The following EFHD1 variants were observed in gnomAD, a reference collection of about 807,000 sequenced individuals.
EFHD1 encodes EF-hand domain family member D1, also known as EF-hand domain-containing protein D1.
Under a neutral mutation model 17.2 loss-of-function variants are expected in EFHD1, and 10 were observed. The ratio of observed to expected loss-of-function variants is 0.58; its 90% CI spans 0.36 to 0.99. The LOEUF is 0.99. Among genes scored for constraint, EFHD1 ranks in the 50% least tolerant of loss-of-function variants. EFHD1 has a pLI of 0.01. For synonymous variants in EFHD1, 153 were observed against 142.0 expected (o/e 1.08, Z -0.55); for missense variants, 310 against 327.5 (o/e 0.95, Z 0.41).
intron 1 of EFHD1, chr2:232,638,188 CAA>C: frequency 5.5e-6 from 2 of 363,316 alleles, no homozygotes; most frequent in South Asian, 2.3e-5. Context: ...GTGGAGCAGT[CAA>C]GGTTAGACAG....
chr2:232,616,592 C>G (rs547692004), intron 1 of EFHD1, among the ~76,000 whole-genome samples: 3 of 152,310 alleles, frequency 2.0e-5, no homozygotes, highest in African/African-American at 7.2e-5. Context: ...AGCCACCACA[C>G]CTAGCCACAT....
intron 1 of EFHD1, among the ~76,000 whole-genome samples, chr2:232,651,486 C>A (rs183886088): frequency 2.0e-5 from 3 of 152,306 alleles, no homozygotes; most frequent in African/African-American, 4.8e-5. Flanking sequence ...GGAGAACCTT[C>A]TAGCAGGTTA....
upstream of EFHD1, among the ~76,000 whole-genome samples, chr2:232,629,551 C>G (rs999413190): frequency 6.6e-6 from 1 of 152,074 alleles, no homozygotes; most frequent in African/African-American, 2.4e-5. Flanking sequence ...TCACTGCAAC[C>G]TCCGCCTCCC....
intron 1 of EFHD1, among the ~76,000 whole-genome samples, chr2:232,607,272 T>C (rs1184971222): frequency 2.0e-5 from 3 of 151,838 alleles, no homozygotes; most frequent in Non-Finnish European, 2.9e-5. Flanking sequence ...TGAGATCCTA[T>C]CTGTACAAAA....
intron 1 of EFHD1, among the ~76,000 whole-genome samples, chr2:232,658,890 A>G (rs970065482): frequency 3.9e-5 from 6 of 152,176 alleles, no homozygotes; most frequent in African/African-American, 1.2e-4. Context: ...ATTTTATGGT[A>G]TGTTAATTAT....
chr2:232,680,904 C>T lies in EFHD1; in HGVS notation c.586-681C>T, dbSNP rs148482580. Among the ~76,000 whole-genome samples the T allele has an allele frequency of 2.6e-3, 402 of 152,152 alleles. 6 individuals carry two copies. The highest frequency in any genetic ancestry group is 0.021 in the East Asian group (107 of 5,154). On this transcript the variant is annotated intron_variant, in intron 3 of 3. Transcript: ENST00000264059. ...TGAGGGGACTGGGTGCAGTGGCTCA[C>T]GCCTGTAATCCCAGCACTTTGGGAG...
At chr2:232,663,300 T>A (rs879794340) in intron 2 of EFHD1, among the ~76,000 whole-genome samples, 35 of 152,186 alleles carry the variant, frequency 2.3e-4, no homozygotes, top group Admixed American at 5.9e-4. Context: ...ATTTTTAAAA[T>A]TTTTTATTTT....
chr2:232,660,320 A>G (rs1024041945), intron 1 of EFHD1, among the ~76,000 whole-genome samples: 3 of 151,694 alleles, frequency 2.0e-5, no homozygotes, highest in Non-Finnish European at 2.9e-5. Context: ...TCAGCCTCCC[A>G]AGTAGCTGGG....
intron 1 of EFHD1, among the ~76,000 whole-genome samples, chr2:232,620,344 C>T (rs532556398): frequency 7.2e-4 from 108 of 149,434 alleles, no homozygotes; most frequent in African/African-American, 2.4e-3. Flanking sequence ...GCAGAGATAG[C>T]GCCACTGCAG....
intron 1 of EFHD1, chr2:232,638,099 G>A (rs2106195893): frequency 8.1e-6 from 2 of 245,754 alleles, no homozygotes; most frequent in South Asian, 1.0e-4. Context: ...CAAGAGAATA[G>A]TGGCCTGATT....
intron 1 of EFHD1, among the ~76,000 whole-genome samples, chr2:232,660,315 C>T (rs1158547763): frequency 6.6e-6 from 1 of 152,078 alleles, no homozygotes; most frequent in Non-Finnish European, 1.5e-5. Flanking sequence ...CTGCCTCAGC[C>T]TCCCAAGTAG....
chr2:232,637,187 C>A (rs1296893624), intron 1 of EFHD1, among the ~76,000 whole-genome samples: 1 of 152,072 alleles, frequency 6.6e-6, no homozygotes, highest in African/African-American at 2.4e-5. Flanking sequence ...GCCCTTGAGG[C>A]GCCAGCGAAG....
At chr2:232,612,109 C>T (rs2106181516) in intron 1 of EFHD1, 1 of 152,326 alleles carries the variant, frequency 6.6e-6, no homozygotes, top group East Asian at 1.9e-4. Flanking sequence ...AACTGAGCCT[C>T]CTAAGTAGCT....
chr2:232,656,674 C>G (rs1200381742), intron 1 of EFHD1, among the ~76,000 whole-genome samples: 1 of 151,404 alleles, frequency 6.6e-6, no homozygotes, highest in African/African-American at 2.4e-5. Context: ...TGGGCTCAAA[C>G]AGTCCTCCCA....
At chr2:232,667,302 C>T (rs1397140836) in intron 2 of EFHD1, among the ~76,000 whole-genome samples, 1 of 152,064 alleles carries the variant, frequency 6.6e-6, no homozygotes, top group Non-Finnish European at 1.5e-5. Context: ...TTCTCTCTCT[C>T]GGGATTTTGA....
At chr2:232,612,156 G>C (rs1693825314) in intron 1 of EFHD1, among the ~76,000 whole-genome samples, 1 of 152,158 alleles carries the variant, frequency 6.6e-6, no homozygotes, top group African/African-American at 2.4e-5. Flanking sequence ...CCAGCTTGAT[G>C]TCAGTTTGTA....
At chr2:232,680,339 A>C (rs1028634545) in intron 3 of EFHD1, among the ~76,000 whole-genome samples, 1 of 149,840 alleles carries the variant, frequency 6.7e-6, no homozygotes, top group Non-Finnish European at 1.5e-5. Flanking sequence ...CACTCACAGA[A>C]TCAGTTCTAG....
At chr2:232,609,204 C>T (rs1040481059) in intron 1 of EFHD1, among the ~76,000 whole-genome samples, 1 of 151,288 alleles carries the variant, frequency 6.6e-6, no homozygotes, top group Non-Finnish European at 1.5e-5. Context: ...GGATTACAGG[C>T]GCCCACCACC....
At chr2:232,653,408 A>G (rs1239741810) in intron 1 of EFHD1, among the ~76,000 whole-genome samples, 1 of 152,154 alleles carries the variant, frequency 6.6e-6, no homozygotes, top group East Asian at 1.9e-4. Flanking sequence ...CTGCTGCCTC[A>G]GCCTCTCAAG....
Sources: allele counts gnomAD v4.1 joint callset (sites outside exome capture counted in the v4.1 genomes callset), GRCh38; gene constraint gnomAD v4.1.1; transcripts MANE v1.5; gene names NCBI Gene and HGNC (gene_info 2026-07-23, HGNC 2026-07-21).